The following ADAMTS19 variants were observed in gnomAD, a reference collection of about 807,000 sequenced individuals.
ADAMTS19 encodes ADAM metallopeptidase with thrombospondin type 1 motif 19, also known as A disintegrin and metalloproteinase with thrombospondin motifs 19.
In ADAMTS19, 93 loss-of-function variants were observed where a neutral mutation model predicts 153.3. The observed-to-expected ratio is 0.61, with a 90% confidence interval of 0.51 to 0.72. The LOEUF (loss-of-function observed/expected upper bound fraction) is 0.72. ADAMTS19 is among the 30% of genes least tolerant of loss of function. ADAMTS19 has a pLI of 0.00. For synonymous variants in ADAMTS19, 600 were observed against 556.6 expected, an observed-to-expected ratio of 1.08 and a Z score of -1.10; for missense variants, 1,482 against 1,552.1, an observed-to-expected ratio of 0.95 and a Z score of 0.76.
chr5:129,543,297 A>G (rs1327347789), intron 6 of ADAMTS19, among the ~76,000 whole-genome samples: 1 of 151,842 alleles, frequency 6.6e-6, no homozygotes, highest in East Asian at 1.9e-4. Context: ...GGTGATTCAC[A>G]CGCCTCGGCC....
intron 10 of ADAMTS19, among the ~76,000 whole-genome samples, chr5:129,639,300 C>T (rs748565375): frequency 6.6e-6 from 1 of 152,130 alleles, no homozygotes; most frequent in Non-Finnish European, 1.5e-5. Flanking sequence ...TGAGGTATTC[C>T]ACTTTTCAAG....
intron 7 of ADAMTS19, among the ~76,000 whole-genome samples, chr5:129,562,608 T>G (rs1753562080): frequency 6.6e-6 from 1 of 152,156 alleles, no homozygotes; most frequent in Non-Finnish European, 1.5e-5. Context: ...TGATAATCAA[T>G]GGGGATAGTC....
chr5:129,691,829 G>T (rs1461570495), intron 18 of ADAMTS19, among the ~76,000 whole-genome samples: 1 of 152,038 alleles, frequency 6.6e-6, no homozygotes, highest in Non-Finnish European at 1.5e-5. Flanking sequence ...AATACTTATA[G>T]TTAAAAATTT....
At chr5:129,485,728 A>G (rs1420074664) in intron 2 of ADAMTS19, among the ~76,000 whole-genome samples, 2 of 152,202 alleles carry the variant, frequency 1.3e-5, no homozygotes, top group Non-Finnish European at 2.9e-5. Context: ...TGAAAAATAC[A>G]TATTAAAAAT....
intron 7 of ADAMTS19, among the ~76,000 whole-genome samples, chr5:129,592,906 T>C (rs1750209809): frequency 6.6e-6 from 1 of 152,212 alleles, no homozygotes. Context: ...GTTGCAATCA[T>C]ACCTCTATGT....
At chr5:129,702,172 T>C (rs1377280139) in intron 20 of ADAMTS19, among the ~76,000 whole-genome samples, 1 of 152,182 alleles carries the variant, frequency 6.6e-6, no homozygotes. Flanking sequence ...CCCTACAGGC[T>C]TGTAGTGTAT....
At chr5:129,667,360 T>A (rs1754100241) in intron 16 of ADAMTS19, among the ~76,000 whole-genome samples, 1 of 152,158 alleles carries the variant, frequency 6.6e-6, no homozygotes, top group African/African-American at 2.4e-5. Context: ...ATGTAAATTA[T>A]CAAAAGTTTC....
rs1172436116 is a variant in ADAMTS19 at position 129,684,281 on chromosome 5, A to AT, written c.2818+13dup. The AT allele has an allele frequency of 1.2e-6, 2 of 1,613,328 alleles. No individual in the cohort carries two copies. Among genetic ancestry groups the AT allele is most frequent in the Admixed American group, 1.7e-5 (1 of 59,770 alleles). ...ATGCCACTTGTGGAGGAGGTGAAGG[A>AT]TTTTTAAACATTTATCTTTCCAAAA... On this transcript the variant is annotated intron_variant, in intron 18 of 22. Transcript: ENST00000274487.
rs1240602494 is a variant in ADAMTS19, at chr5:129,708,231, G to A, written c.3312+3840G>A. 2.6e-5 allele frequency among the ~76,000 whole-genome samples: 4 copies of A among 152,126 alleles called. No homozygotes were observed. In the South Asian group the frequency reaches 6.2e-4, roughly 24 times the overall value. On this transcript the variant is annotated intron_variant, in intron 21 of 22. Transcript: ENST00000274487. Reference sequence around the variant, plus strand: ...GCAGCCTTTGTTGAAAAATGTTCACGTTTATTTCATCAGGATTACAATGAT... The same window carrying A: ...GCAGCCTTTGTTGAAAAATGTTCACATTTATTTCATCAGGATTACAATGAT...
At chr5:129,550,725 A>G (rs1368776933) in intron 6 of ADAMTS19, among the ~76,000 whole-genome samples, 1 of 151,494 alleles carries the variant, frequency 6.6e-6, no homozygotes, top group South Asian at 2.1e-4. Context: ...TTTTTTTATC[A>G]TTTAGATACA....
At position 129,460,466 on chromosome 5, in the gene ADAMTS19, G is replaced by C. The variant is rs1441740628; in HGVS notation, c.75G>C (p.Ser25=). The C allele has an allele frequency of 1.2e-6, 2 of 1,614,152 alleles. No individual in the cohort carries two copies. Among genetic ancestry groups the C allele is most frequent in the Non-Finnish European group, 1.7e-6 (2 of 1,180,018 alleles). The part of the protein sequence containing the change: ...CCLLYQLGFL[S]NGIVSELQFA... Reference sequence around the variant, plus strand: ...TCCTTTACCAGCTGGGGTTCCTGTCGAATGGGATCGTTTCAGGTAAGTTCT... The same window carrying C: ...TCCTTTACCAGCTGGGGTTCCTGTCCAATGGGATCGTTTCAGGTAAGTTCT... The change falls in exon 1 of 23, where the codon TCG becomes TCC. Residue 25 remains serine (S), a synonymous_variant. Coordinates refer to ENST00000274487, the MANE Select transcript of ADAMTS19 (RefSeq NM_133638.6).
At position 129,735,062 on chromosome 5, in the gene ADAMTS19, C is replaced by T; in HGVS notation, c.3443C>T (p.Pro1148Leu). Reference sequence around the variant, plus strand: ...GCATACAGGCCATGCCATCTTCAACCCTGCAATGAGAAAATTAATGTAAAT... The same window carrying T: ...GCATACAGGCCATGCCATCTTCAACTCTGCAATGAGAAAATTAATGTAAAT... ...PAAYRPCHLQ[P>L]CNEKINVNTI... The change falls in exon 22 of 23, where the codon CCC becomes CTC. Residue 1148 changes from proline to leucine, a missense_variant. This residue lies in a region of ADAMTS19 where 616 missense variants were observed against 724.4 expected (regional missense o/e 0.85). Coordinates refer to ENST00000274487, the MANE Select transcript of ADAMTS19 (RefSeq NM_133638.6). The T allele has an allele frequency of 1.0e-5, 16 of 1,605,830 alleles. No individual in the cohort carries two copies. The highest frequency in any genetic ancestry group is 1.4e-5 in the Non-Finnish European group (16 of 1,176,830).
chr5:129,604,099 C>A (rs965138824), intron 8 of ADAMTS19, among the ~76,000 whole-genome samples: 1 of 151,540 alleles, frequency 6.6e-6, no homozygotes, highest in African/African-American at 2.4e-5. Context: ...TACTGGGGCT[C>A]GGTGGGGAGG....
chr5:129,570,881 A>T (rs1753877089), intron 7 of ADAMTS19, among the ~76,000 whole-genome samples: 1 of 151,884 alleles, frequency 6.6e-6, no homozygotes, highest in Admixed American at 6.6e-5. Context: ...TTCATGGTTT[A>T]AAAAACTCTC....
chr5:129,680,578 GA>G (rs1366498478), intron 17 of ADAMTS19, among the ~76,000 whole-genome samples: 1 of 151,962 alleles, frequency 6.6e-6, no homozygotes, highest in Non-Finnish European at 1.5e-5. Flanking sequence ...CCAACACGCT[GA>G]AACTCCGTCT....
At chr5:129,463,414 A>G (rs1464108634) in intron 2 of ADAMTS19, among the ~76,000 whole-genome samples, 1 of 152,220 alleles carries the variant, frequency 6.6e-6, no homozygotes, top group Non-Finnish European at 1.5e-5. Flanking sequence ...AATTATAAGT[A>G]GGTTTTTCAT....
intron 16 of ADAMTS19, among the ~76,000 whole-genome samples, chr5:129,669,306 T>C (rs936538470): frequency 6.6e-6 from 1 of 152,084 alleles, no homozygotes; most frequent in Admixed American, 6.6e-5. Flanking sequence ...TATAGGTCTA[T>C]TTATGATTTC....
chr5:129,483,836 A>G (rs755618907), intron 2 of ADAMTS19, among the ~76,000 whole-genome samples: 2 of 152,176 alleles, frequency 1.3e-5, no homozygotes, highest in Non-Finnish European at 2.9e-5. Context: ...AACTAATTAC[A>G]TAGATCTTTG....
intron 13 of ADAMTS19, among the ~76,000 whole-genome samples, chr5:129,649,592 T>C (rs1003251124): frequency 1.3e-5 from 2 of 152,110 alleles, no homozygotes; most frequent in African/African-American, 4.8e-5. Flanking sequence ...GGTATTACTA[T>C]AAAGGGGTAG....
Sources: gnomAD v4.1 joint callset for allele counts (sites outside exome capture counted in the v4.1 genomes callset) on GRCh38, gnomAD v4.1.1 for gene constraint, gnomAD v4.1.1 regional missense constraint, MANE v1.5 for transcripts, NCBI Gene and HGNC (gene_info 2026-07-23, HGNC 2026-07-21) for gene names.